GPRIN3: variants seen among roughly 807,000 people sequenced by gnomAD.
GPRIN3 encodes G protein-regulated inducer of neurite outgrowth 3.
In GPRIN3, 12 loss-of-function variants were observed where a neutral mutation model predicts 13.7. That is an observed-to-expected ratio of 0.87 (90% CI 0.56 to 1.42). The LOEUF (loss-of-function observed/expected upper bound fraction) is 1.42, where lower values mean the gene tolerates loss of function less well. GPRIN3 is among the 40% of genes most tolerant of loss of function. The probability of loss-of-function intolerance (pLI) is 0.00; values close to 1 mark genes in which losing one functional copy is unlikely to be tolerated. For synonymous variants in GPRIN3, 377 were observed against 372.7 expected, an observed-to-expected ratio of 1.01 and a Z score of -0.13; for missense variants, 1,009 against 958.7, an observed-to-expected ratio of 1.05 and a Z score of -0.69.
At chr4:89,303,848 G>A (rs942003277) in intron 1 of GPRIN3, among the ~76,000 whole-genome samples, 16 of 149,964 alleles carry the variant, frequency 1.1e-4, no homozygotes, top group African/African-American at 2.4e-4. Context: ...ATAACATCAC[G>A]TTGTATACTT....
In GPRIN3 at chr4:89,248,931, T is replaced by C. The variant is rs762242977; in HGVS notation, c.1180A>G (p.Ile394Val). 40 of 1,614,216 alleles carry C rather than the reference T, an allele frequency of 2.5e-5. No individual in the cohort carries two copies. Among genetic ancestry groups the C allele is most frequent in the Non-Finnish European group, 3.2e-5 (38 of 1,180,024 alleles). Residue 394 changes from isoleucine (I) to valine (V), a missense_variant, in exon 2 of 2, where the codon ATT (isoleucine) becomes GTT (valine). By Grantham distance (29) the Ile-to-Val change is conservative (BLOSUM62 3). Transcript: ENST00000609438. ...QCPGIMPQVH[I>V]QAAAAESTAF... Reference sequence around the variant, plus strand: ...GTAGACTCAGCTGCAGCTGCCTGAATGTGCACCTGTGGCATGATGCCAGGG... The same window carrying C: ...GTAGACTCAGCTGCAGCTGCCTGAACGTGCACCTGTGGCATGATGCCAGGG...
intron 1 of GPRIN3, among the ~76,000 whole-genome samples, chr4:89,301,772 C>A (rs1337450242): frequency 2.0e-5 from 3 of 152,148 alleles, no homozygotes; most frequent in African/African-American, 4.8e-5. Context: ...AGAAAATTAA[C>A]AGATGCAAAT....
intron 1 of GPRIN3, among the ~76,000 whole-genome samples, chr4:89,287,767 TA>T (rs1443132615): frequency 1.3e-5 from 2 of 152,268 alleles, no homozygotes; most frequent in African/African-American, 4.8e-5. Context: ...CTCCACTAAA[TA>T]AAATGTGGAA....
At chr4:89,274,892 C>G (rs560078548) in intron 1 of GPRIN3, among the ~76,000 whole-genome samples, 1 of 152,270 alleles carries the variant, frequency 6.6e-6, no homozygotes, top group East Asian at 1.9e-4. Flanking sequence ...GATAAACTTT[C>G]AGAGCTAATC....
At chr4:89,285,206 G>T (rs1275057321) in intron 1 of GPRIN3, among the ~76,000 whole-genome samples, 1 of 151,820 alleles carries the variant, frequency 6.6e-6, no homozygotes, top group Admixed American at 6.6e-5. Context: ...GGGTCGGTTG[G>T]GGGGTCAGGG....
At position 89,247,844 on chromosome 4, in the gene GPRIN3, A is replaced by G. The variant is rs1465738454; in HGVS notation, c.2267T>C (p.Met756Thr). 1 of 1,614,190 alleles carries G rather than the reference A, an allele frequency of 6.2e-7. No individual in the cohort carries two copies. Among genetic ancestry groups the G allele is most frequent in the African/African-American group, 1.3e-5 (1 of 75,060 alleles). Residue 756 changes from methionine to threonine, a missense_variant, in exon 2 of 2, where the codon ATG becomes ACG. Coordinates refer to ENST00000609438, the MANE Select transcript of GPRIN3 (RefSeq NM_198281.3). Reference protein sequence around the residue: ...RGRQHSVFQSMLQNFRRPNCC... With the variant: ...RGRQHSVFQSTLQNFRRPNCC... The stretch of plus-strand genomic sequence containing the variant: ...GTTGGGGCGTCGGAAGTTCTGCAGC[A>G]TGGACTGGAAAACACTGTGCTGCCT...
intron 1 of GPRIN3, among the ~76,000 whole-genome samples, chr4:89,296,669 ATATG>A (rs1310577273): frequency 1.3e-5 from 2 of 152,130 alleles, no homozygotes; most frequent in Non-Finnish European, 2.9e-5. Flanking sequence ...GTGTGTGTGC[ATATG>A]TATGTGTGTG....
chr4:89,286,451 T>C (rs17015332), intron 1 of GPRIN3, among the ~76,000 whole-genome samples: 28,336 of 152,076 alleles, frequency 0.19, 2,857 homozygotes, highest in African/African-American at 0.23. Context: ...GGTGCTTTCC[T>C]ACACTGTGTC....
intron 1 of GPRIN3, chr4:89,251,318 T>C (rs1275563283): frequency 6.6e-6 from 1 of 152,180 alleles, no homozygotes; most frequent in East Asian, 1.9e-4. Flanking sequence ...CTTTTAATAG[T>C]AAGGTCTAGG....
At chr4:89,302,429 T>C (rs1236321284) in intron 1 of GPRIN3, among the ~76,000 whole-genome samples, 2 of 152,206 alleles carry the variant, frequency 1.3e-5, no homozygotes, top group African/African-American at 4.8e-5. Flanking sequence ...ACTGGAATCC[T>C]TTTGGGACCT....
chr4:89,300,318 A>G (rs750323282), intron 1 of GPRIN3, among the ~76,000 whole-genome samples: 24 of 152,142 alleles, frequency 1.6e-4, no homozygotes, highest in Non-Finnish European at 2.8e-4. Context: ...TGTTGGGCAC[A>G]AGTGACTTAT....
At chr4:89,277,208 G>A (rs1168681533) in intron 1 of GPRIN3, among the ~76,000 whole-genome samples, 2 of 152,176 alleles carry the variant, frequency 1.3e-5, no homozygotes, top group East Asian at 3.9e-4. Context: ...AGAAAGTTTA[G>A]ATCCAGGCCC....
intron 1 of GPRIN3, among the ~76,000 whole-genome samples, chr4:89,252,146 AT>A (rs1271618628): frequency 1.3e-5 from 2 of 151,710 alleles, no homozygotes; most frequent in African/African-American, 4.8e-5. Context: ...CTAATTTTTA[AT>A]TTTTTTGTAG....
chr4:89,270,486 A>G (rs1363170044), intron 1 of GPRIN3, among the ~76,000 whole-genome samples: 2 of 146,704 alleles, frequency 1.4e-5, no homozygotes, highest in Admixed American at 6.9e-5. Flanking sequence ...GTATGTATTT[A>G]CCATATTTGG....
At chr4:89,286,682 A>C (rs974389216) in intron 1 of GPRIN3, among the ~76,000 whole-genome samples, 2 of 152,198 alleles carry the variant, frequency 1.3e-5, no homozygotes, top group Admixed American at 6.5e-5. Context: ...AAAAGTCACC[A>C]ATTACTGATA....
chr4:89,272,876 C>T (rs1449850826), intron 1 of GPRIN3, among the ~76,000 whole-genome samples: 1 of 152,086 alleles, frequency 6.6e-6, no homozygotes, highest in East Asian at 1.9e-4. Context: ...CATAGTGACC[C>T]ACAGATTAAA....
rs1341100535 is a variant in GPRIN3, at chr4:89,249,343, G to A, written c.768C>T (p.Gly256=). 1 of 1,613,938 alleles carries A rather than the reference G, an allele frequency of 6.2e-7. No homozygotes were observed. Among genetic ancestry groups the A allele is most frequent in the Admixed American group, 1.7e-5 (1 of 60,004 alleles). The change falls in exon 2 of 2, where the codon GGC becomes GGT. Residue 256 remains glycine (G), a synonymous_variant. Coordinates refer to ENST00000609438, the MANE Select transcript of GPRIN3 (RefSeq NM_198281.3). ...GTGTCACAGAAGTTGTGCCTTGGGG[G>A]CCCGAGGCAGTGACAGAGGGCTGCT... ...ENKQPSVTAS[G]PQGTTSVTPQ...
At chr4:89,294,033 T>G (rs1401830002) in intron 1 of GPRIN3, among the ~76,000 whole-genome samples, 1 of 152,228 alleles carries the variant, frequency 6.6e-6, no homozygotes, top group Non-Finnish European at 1.5e-5. Context: ...GGATAGGGAC[T>G]TGGAATATGC....
chr4:89,253,296 G>C (rs1156840049), intron 1 of GPRIN3, among the ~76,000 whole-genome samples: 1 of 152,120 alleles, frequency 6.6e-6, no homozygotes, highest in African/African-American at 2.4e-5. Context: ...AAACGTACAG[G>C]AAAATTTGAT....
Sources: allele counts gnomAD v4.1 joint callset (sites outside exome capture counted in the v4.1 genomes callset), GRCh38; gene constraint gnomAD v4.1.1; transcripts MANE v1.5; gene names NCBI Gene and HGNC (gene_info 2026-07-23, HGNC 2026-07-21).